GPHN: variants seen among roughly 807,000 people sequenced by gnomAD.
The protein encoded by GPHN is gephyrin.
In GPHN, 17 loss-of-function variants were observed where a neutral mutation model predicts 95.5. The observed-to-expected ratio is 0.18, with a 90% CI of 0.12 to 0.27. The LOEUF is 0.27. Ranked by LOEUF, GPHN falls within the 10% of genes least tolerant of loss-of-function variation. GPHN has a pLI of 1.00. For missense variants in GPHN, 660 were observed against 978.1 expected (o/e 0.67, Z 4.34); for synonymous variants, 320 against 322.5 (o/e 0.99, Z 0.08).
At chr14:67,576,311 G>T in the GPHN span, 3 of 743,406 alleles carry the variant, frequency 4.0e-6, no homozygotes, top group African/African-American at 3.5e-5. This position sits in a 1 kb window ranked among gnomAD's most constrained non-coding sequence, Gnocchi z 4.0. Flanking sequence ...CATGGGCTTG[G>T]TCCCTTCAAG....
the GPHN span, chr14:67,323,958 C>T: frequency 1.9e-6 from 1 of 536,778 alleles, no homozygotes. Flanking sequence ...CAAAAATTGC[C>T]ATGGTTGCCA....
intron 4 of GPHN, among the ~76,000 whole-genome samples, chr14:66,870,975 A>T (rs2063410774): frequency 6.6e-6 from 1 of 152,234 alleles, no homozygotes; most frequent in African/African-American, 2.4e-5. Flanking sequence ...GAAATGAGGC[A>T]TTCAAAGTAG....
chr14:67,531,147 T>A, the GPHN span, among the ~76,000 whole-genome samples: 176 of 152,224 alleles, frequency 1.2e-3, no homozygotes, highest in Non-Finnish European at 2.2e-3. Context: ...CTAGGGGTGA[T>A]GGTGGGTATT....
intron 9 of GPHN, among the ~76,000 whole-genome samples, chr14:66,987,230 A>G (rs1004342130): frequency 6.6e-6 from 1 of 152,236 alleles, no homozygotes; most frequent in Admixed American, 6.6e-5. Context: ...AGATAAATCC[A>G]TTAATGGTTT....
At chr14:67,197,865 G>A in the GPHN span, among the ~76,000 whole-genome samples, 2 of 152,062 alleles carry the variant, frequency 1.3e-5, no homozygotes, top group African/African-American at 4.8e-5. Context: ...ATATGTATCT[G>A]TTTTCAAGTC....
At chr14:66,989,804 C>T (rs1454564985) in intron 9 of GPHN, among the ~76,000 whole-genome samples, 1 of 152,042 alleles carries the variant, frequency 6.6e-6, no homozygotes, top group African/African-American at 2.4e-5. Flanking sequence ...CCTTAAAGTG[C>T]CTTGAATATT....
At chr14:67,659,830 A>G in the GPHN span, 2 of 1,614,216 alleles carry the variant, frequency 1.2e-6, no homozygotes, top group Non-Finnish European at 1.7e-6. Flanking sequence ...GATGGAGTTT[A>G]GCAAGGTCCT....
chr14:66,697,016 T>A (rs560604847), intron 2 of GPHN, among the ~76,000 whole-genome samples: 11 of 152,328 alleles, frequency 7.2e-5, no homozygotes, highest in Non-Finnish European at 1.3e-4. Context: ...TGTGGGAAAG[T>A]AATGACTTAT....
intron 6 of GPHN, among the ~76,000 whole-genome samples, chr14:66,919,030 C>G (rs1303354852): frequency 6.6e-6 from 1 of 152,116 alleles, no homozygotes; most frequent in Non-Finnish European, 1.5e-5. Context: ...TAGGTTCTTA[C>G]CTATTCTCTT....
chr14:67,014,041 A>G (rs2073160822), intron 9 of GPHN, among the ~76,000 whole-genome samples: 3 of 151,922 alleles, frequency 2.0e-5, no homozygotes, highest in Admixed American at 2.0e-4. Flanking sequence ...TCACATACTC[A>G]CCTAAATTAA....
intron 1 of GPHN, among the ~76,000 whole-genome samples, chr14:66,604,867 CT>C (rs1374439404): frequency 7.1e-6 from 1 of 140,210 alleles, no homozygotes; most frequent in East Asian, 2.3e-4. Flanking sequence ...CCCCTCCCTC[CT>C]TTAGACAACT....
At chr14:66,545,867 C>A (rs2059566781) in intron 1 of GPHN, among the ~76,000 whole-genome samples, 1 of 149,732 alleles carries the variant, frequency 6.7e-6, no homozygotes, top group Non-Finnish European at 1.5e-5. Context: ...GGGGGGCTGA[C>A]CCCCCCACCT....
intron 8 of GPHN, among the ~76,000 whole-genome samples, chr14:66,964,342 C>T (rs1456013800): frequency 1.3e-5 from 2 of 151,914 alleles, no homozygotes; most frequent in African/African-American, 2.4e-5. Flanking sequence ...TATTGTTGTC[C>T]TCAATTTTCA....
At chr14:67,508,746 C>G in the GPHN span, among the ~76,000 whole-genome samples, 494 of 30,056 alleles carry the variant, frequency 0.016, 4 homozygotes, top group Non-Finnish European at 0.034. Context: ...AGAGCAAAAC[C>G]TTGTCTCAAA....
chr14:66,804,004 G>GTT (rs148311146), intron 3 of GPHN, among the ~76,000 whole-genome samples: 14 of 151,552 alleles, frequency 9.2e-5, no homozygotes, highest in South Asian at 4.2e-4. Context: ...CTCTTTTGGG[G>GTT]GTTTTTTTTG....
intron 9 of GPHN, among the ~76,000 whole-genome samples, chr14:66,992,580 C>A (rs1388977058): frequency 6.6e-6 from 1 of 152,052 alleles, no homozygotes; most frequent in African/African-American, 2.4e-5. Flanking sequence ...TTTTATAGAT[C>A]TTTAAAGATG....
At chr14:67,411,446 A>G in the GPHN span, among the ~76,000 whole-genome samples, 1 of 152,132 alleles carries the variant, frequency 6.6e-6, no homozygotes, top group African/African-American at 2.4e-5. Context: ...CTGGGGAGGC[A>G]GTAAAGGTTT....
chr14:67,225,007 T>G, the GPHN span: 29 of 869,578 alleles, frequency 3.3e-5, no homozygotes, highest in Non-Finnish European at 4.5e-5. Context: ...AATAAGCTCT[T>G]TCTCCTTCTG....
chr14:66,589,290 T>G (rs2061544833), intron 1 of GPHN, among the ~76,000 whole-genome samples: 1 of 152,106 alleles, frequency 6.6e-6, no homozygotes, highest in Non-Finnish European at 1.5e-5. Context: ...TACCAAATTG[T>G]AAAGTCTTTC....
Sources: allele counts gnomAD v4.1 joint callset (sites outside exome capture counted in the v4.1 genomes callset), GRCh38; gene constraint gnomAD v4.1.1; non-coding constraint Gnocchi (gnomAD v3.1); transcripts MANE v1.5; gene names NCBI Gene and HGNC (gene_info 2026-07-23, HGNC 2026-07-21).